Variants in ZNF730 observed in about 807,000 individuals in gnomAD.
ZNF730 encodes the protein zinc finger protein 730.
A neutral mutation model predicts 12.6 loss-of-function variants in ZNF730; 12 were observed. The ratio of observed to expected loss-of-function variants is 0.95; its 90% CI spans 0.61 to 1.54. The LOEUF (loss-of-function observed/expected upper bound fraction) is 1.54. ZNF730 is among the 40% of genes most tolerant of loss of function. The pLI is 0.00. For synonymous variants in ZNF730, 194 were observed against 195.8 expected (o/e 0.99, Z 0.08); for missense variants, 643 against 583.5 (o/e 1.10, Z -1.05).
intron 1 of ZNF730, among the ~76,000 whole-genome samples, chr19:23,101,317 T>C (rs1276695177): frequency 6.6e-6 from 1 of 152,180 alleles, no homozygotes; most frequent in Non-Finnish European, 1.5e-5. Flanking sequence ...CTGGTGACTC[T>C]CAGAGCAAGA....
At chr19:23,121,541 C>T (rs535955448) in intron 1 of ZNF730, among the ~76,000 whole-genome samples, 1 of 152,284 alleles carries the variant, frequency 6.6e-6, no homozygotes, top group East Asian at 1.9e-4. Flanking sequence ...CAGGTTTCAC[C>T]ATGTTGGTCA....
intron 1 of ZNF730, 59 bp from the exon 2 acceptor site, chr19:23,134,021 A>T (rs1970782374): frequency 6.3e-7 from 1 of 1,598,736 alleles, no homozygotes; most frequent in Admixed American, 1.8e-5. Context: ...CCTTGAGTGA[A>T]ACTTAAAATT....
chr19:23,094,533 G>A (rs1196557529), intron 1 of ZNF730, among the ~76,000 whole-genome samples: 3 of 151,892 alleles, frequency 2.0e-5, no homozygotes, highest in South Asian at 2.1e-4. Context: ...CCCAGGCTGG[G>A]CACCATCTCC....
chr19:23,084,579 ATTAG>A (rs1970025582), intron 1 of ZNF730, among the ~76,000 whole-genome samples: 1 of 152,174 alleles, frequency 6.6e-6, no homozygotes, highest in Non-Finnish European at 1.5e-5. Flanking sequence ...CTAAGTACCC[ATTAG>A]TTATTTTTCC....
At chr19:23,138,956 T>C (rs1294460345) in intron 3 of ZNF730, among the ~76,000 whole-genome samples, 1 of 152,208 alleles carries the variant, frequency 6.6e-6, no homozygotes, top group African/African-American at 2.4e-5. Context: ...TTTTTCCATC[T>C]TACTGATGTC....
At chr19:23,106,628 C>CA (rs1030444467) in intron 1 of ZNF730, among the ~76,000 whole-genome samples, 9 of 151,720 alleles carry the variant, frequency 5.9e-5, no homozygotes, top group Admixed American at 4.6e-4. Context: ...CCCATCTCTA[C>CA]AAAAAACACA....
chr19:23,101,524 G>A (rs1970335716), intron 1 of ZNF730, among the ~76,000 whole-genome samples: 1 of 152,174 alleles, frequency 6.6e-6, no homozygotes, highest in Non-Finnish European at 1.5e-5. Context: ...TTTTCTGCAG[G>A]TGTGATTGTA....
chr19:23,144,463 G>T (rs562545289), intron 3 of ZNF730, among the ~76,000 whole-genome samples: 112 of 152,172 alleles, frequency 7.4e-4, no homozygotes, highest in Middle Eastern at 3.4e-3. Flanking sequence ...CACTTTGAGA[G>T]GCTGAGGTGG....
At chr19:23,117,299 G>T (rs1005099377) in intron 1 of ZNF730, 123 bp downstream of exon 1, 33 of 1,560,830 alleles carry the variant, frequency 2.1e-5, no homozygotes, top group Non-Finnish European at 2.3e-5. Context: ...CAGAGTTCTT[G>T]CCCAGCTCGG....
chr19:23,077,585 G>A (rs1969887026), intron 1 of ZNF730, among the ~76,000 whole-genome samples: 1 of 151,852 alleles, frequency 6.6e-6, no homozygotes, highest in Non-Finnish European at 1.5e-5. Context: ...TTATAGGCAT[G>A]TGCCAGCCAA....
At position 23,134,212 on chromosome 19, in the gene ZNF730, G is replaced by C; in HGVS notation, c.130+6G>C. 1 of 1,597,844 alleles carries C rather than the reference G, an allele frequency of 6.3e-7. No homozygotes were observed. Among genetic ancestry groups the C allele is most frequent in the Non-Finnish European group, 8.5e-7 (1 of 1,172,708 alleles). Reference sequence around the variant, plus strand: ...CAGAAACCTGGTCTTCCTGGGTGAGGATAACTTTAATATACAATTCCTAAT... The same window carrying C: ...CAGAAACCTGGTCTTCCTGGGTGAGCATAACTTTAATATACAATTCCTAAT... On this transcript the variant is annotated splice_donor_region_variant and intron_variant, in intron 2 of 3. Transcript: ENST00000597761.
chr19:23,076,714 C>G (rs1000563251), intron 1 of ZNF730, among the ~76,000 whole-genome samples: 1 of 152,062 alleles, frequency 6.6e-6, no homozygotes, highest in Non-Finnish European at 1.5e-5. Flanking sequence ...TTTTTTTGGT[C>G]AAAGGAATGC....
chr19:23,136,322 A>G (rs1309022127), intron 3 of ZNF730, among the ~76,000 whole-genome samples: 2 of 152,194 alleles, frequency 1.3e-5, no homozygotes, highest in African/African-American at 2.4e-5. Context: ...AGACTGCACA[A>G]TCTCACTGCT....
In ZNF730 at chr19:23,146,213, A is replaced by G. The variant is rs552344665; in HGVS notation, c.1169A>G (p.His390Arg). 6.2e-7 allele frequency: 1 copy of G among 1,611,352 alleles called. No homozygotes were observed. Among genetic ancestry groups the G allele is most frequent in the East Asian group, 2.2e-5 (1 of 44,786 alleles). ...SSTLTIHKIIHTVEKFYKCEE... is the reference protein window; with the variant it reads ...SSTLTIHKIIRTVEKFYKCEE... ...ACTCTTACTATACATAAGATAATTCATACTGTAGAGAAATTTTACAAATGT... is the reference window on the plus strand; with the variant it reads ...ACTCTTACTATACATAAGATAATTCGTACTGTAGAGAAATTTTACAAATGT... The change falls in exon 4 of 4, where the codon CAT becomes CGT. Residue 390 changes from histidine to arginine, a missense_variant. Transcript: ENST00000597761.
chr19:23,093,302 A>G (rs1970188562), intron 1 of ZNF730, among the ~76,000 whole-genome samples: 2 of 152,372 alleles, frequency 1.3e-5, no homozygotes, highest in South Asian at 4.1e-4. Flanking sequence ...AAAGAATTTC[A>G]GTAGAAACTG....
At chr19:23,116,502 G>T (rs1394244746), upstream of ZNF730, among the ~76,000 whole-genome samples, 1 of 148,516 alleles carries the variant, frequency 6.7e-6, no homozygotes, top group Admixed American at 6.7e-5. Flanking sequence ...CACCTCCTGG[G>T]TTCAAGCGAT....
At chr19:23,096,179 T>C (rs1418520138) in intron 1 of ZNF730, among the ~76,000 whole-genome samples, 1 of 152,078 alleles carries the variant, frequency 6.6e-6, no homozygotes, top group East Asian at 1.9e-4. Context: ...GACTCTTTGT[T>C]TGGGCCCTCT....
chr19:23,076,732 C>T (rs1488679888), intron 1 of ZNF730, among the ~76,000 whole-genome samples: 4 of 152,130 alleles, frequency 2.6e-5, no homozygotes, highest in Admixed American at 2.0e-4. Context: ...TGCTTAGGCA[C>T]CACTGGTGGG....
chr19:23,098,994 G>C (rs1383646378), intron 1 of ZNF730, among the ~76,000 whole-genome samples: 3 of 152,146 alleles, frequency 2.0e-5, no homozygotes, highest in Non-Finnish European at 4.4e-5. Context: ...AAAGCCCTCA[G>C]ATGGTACAGA....
Sources: gnomAD v4.1 joint callset for allele counts (sites outside exome capture counted in the v4.1 genomes callset) on GRCh38, gnomAD v4.1.1 for gene constraint, MANE v1.5 for transcripts, NCBI Gene and HGNC (gene_info 2026-07-23, HGNC 2026-07-21) for gene names.